RCBTB2: variants seen among roughly 807,000 people sequenced by gnomAD.
RCBTB2 encodes the protein RCC1 and BTB domain-containing protein 2.
A neutral mutation model predicts 65.4 loss-of-function variants in RCBTB2; 55 were observed. That is an observed-to-expected ratio of 0.84 (90% CI 0.68 to 1.05). The LOEUF (loss-of-function observed/expected upper bound fraction) is 1.05. Among genes scored for constraint, RCBTB2 ranks in the 50% least tolerant of loss-of-function variants. The probability of loss-of-function intolerance (pLI) is 0.00; values close to 1 mark genes in which losing one functional copy is unlikely to be tolerated. For missense variants in RCBTB2, 599 were observed against 680.1 expected, an observed-to-expected ratio of 0.88 and a Z score of 1.33; for synonymous variants, 220 against 255.2, an observed-to-expected ratio of 0.86 and a Z score of 1.31.
At position 48,502,952 on chromosome 13, in the gene RCBTB2, C is replaced by A. The variant is rs112173107; in HGVS notation, c.927-38G>T. 18 of 1,521,008 alleles carry A rather than the reference C, an allele frequency of 1.2e-5. No individual in the cohort carries two copies. The South Asian group carries it at 2.1e-4, about 18-fold the overall frequency. The allele number at this position is 1,521,008 out of a possible 1,614,324, so 94.2% of individuals were successfully genotyped here. A position where few individuals can be genotyped will look rare whatever the true frequency, so the allele number is the denominator to read the frequency against. ...ACACACACCACATAAGCACAGTGACCGGGGCAGAAACAAGTTGGGTCCTCC... is the reference window on the plus strand; with the variant it reads ...ACACACACCACATAAGCACAGTGACAGGGGCAGAAACAAGTTGGGTCCTCC... On this transcript the variant is annotated intron_variant, in intron 10 of 14. Coordinates refer to ENST00000344532, the MANE Select transcript of RCBTB2 (RefSeq NM_001268.4).
chr13:48,530,254 C>A (rs1174955798), intron 1 of RCBTB2, among the ~76,000 whole-genome samples: 1 of 152,124 alleles, frequency 6.6e-6, no homozygotes, highest in Non-Finnish European at 1.5e-5. Flanking sequence ...TATCTTGGGG[C>A]ATTTAAATTT....
intron 10 of RCBTB2, among the ~76,000 whole-genome samples, chr13:48,506,266 C>T (rs1566282815): frequency 6.6e-6 from 1 of 152,200 alleles, no homozygotes; most frequent in Non-Finnish European, 1.5e-5. Context: ...TGAGGCTTGC[C>T]AGGAACAGTG....
intron 4 of RCBTB2, among the ~76,000 whole-genome samples, chr13:48,518,056 C>G (rs1237421994): frequency 6.6e-6 from 1 of 152,204 alleles, no homozygotes; most frequent in Non-Finnish European, 1.5e-5. Flanking sequence ...GGGCCACCAC[C>G]AGAAGCTGAG....
intron 2 of RCBTB2, among the ~76,000 whole-genome samples, chr13:48,523,333 T>C (rs1489681200): frequency 6.6e-6 from 1 of 152,172 alleles, no homozygotes; most frequent in Non-Finnish European, 1.5e-5. Flanking sequence ...CACTTTTTGT[T>C]TTGTTTTTAA....
chr13:48,509,152 C>A (rs1352196167), intron 10 of RCBTB2, among the ~76,000 whole-genome samples: 1 of 152,008 alleles, frequency 6.6e-6, no homozygotes, highest in Non-Finnish European at 1.5e-5. Flanking sequence ...TGTGGCAAAA[C>A]CCTGGCCCTG....
chr13:48,533,611 TG>T (rs1246912780), upstream of RCBTB2, among the ~76,000 whole-genome samples: 2 of 152,164 alleles, frequency 1.3e-5, no homozygotes, highest in African/African-American at 2.4e-5. Flanking sequence ...GGATGTGTGC[TG>T]GGGGGTTCAG....
intron 2 of RCBTB2, among the ~76,000 whole-genome samples, chr13:48,523,742 G>C (rs1372829278): frequency 6.6e-6 from 1 of 152,122 alleles, no homozygotes; most frequent in African/African-American, 2.4e-5. Flanking sequence ...CTAGCAGAAG[G>C]GAAATCTTCC....
intron 10 of RCBTB2, among the ~76,000 whole-genome samples, chr13:48,506,773 T>C (rs570158835): frequency 6.6e-6 from 1 of 152,382 alleles, no homozygotes; most frequent in South Asian, 2.1e-4. Flanking sequence ...TAAGCATTTA[T>C]GAACTGCTCT....
In RCBTB2 at chr13:48,502,818, G is replaced by A. The variant is rs41290412; in HGVS notation, c.1023C>T (p.Ser341=). ...VYMWGQCRGQ[S]VILPHLTHFS... ...AGTGGGTGAGGTGCGGGAGGATCACGGACTGACCCCGGCACTGGCCCCACA... is the reference window on the plus strand; with the variant it reads ...AGTGGGTGAGGTGCGGGAGGATCACAGACTGACCCCGGCACTGGCCCCACA... The change falls in exon 11 of 15, where the codon TCC becomes TCT. Residue 341 remains serine, a synonymous_variant. Coordinates refer to ENST00000344532, the MANE Select transcript of RCBTB2 (RefSeq NM_001268.4). 2.8e-5 allele frequency: 46 copies of A among 1,614,192 alleles called. No homozygotes were observed. Among genetic ancestry groups the A allele is most frequent in the South Asian group, 2.7e-4 (25 of 91,080 alleles).
intron 13 of RCBTB2, 62 bp from the exon 14 acceptor site, chr13:48,496,383 A>C (rs1398351832): frequency 7.0e-7 from 1 of 1,428,430 alleles, no homozygotes; most frequent in African/African-American, 1.4e-5. Flanking sequence ...ACAGTTGCTC[A>C]CTCAGCCACT....
In RCBTB2 at chr13:48,501,671, A is replaced by G. The variant is rs376157246; in HGVS notation, c.1244+71T>C. 17 of 1,349,856 alleles carry G rather than the reference A, an allele frequency of 1.3e-5. No individual in the cohort carries two copies. In the African/African-American group the frequency reaches 2.2e-4, roughly 17 times the overall value. 83.6% of individuals were successfully genotyped at this position (1,349,856 alleles called of 1,614,324 possible). On this transcript the variant is annotated intron_variant, in intron 12 of 14. Coordinates refer to ENST00000344532, the MANE Select transcript of RCBTB2 (RefSeq NM_001268.4). Reference sequence around the variant, plus strand: ...TTTCTTGATTACTGAGGTGCCTAATATAGTTGGACACTTAGAATATAATTG... The same window carrying G: ...TTTCTTGATTACTGAGGTGCCTAATGTAGTTGGACACTTAGAATATAATTG...
upstream of RCBTB2, among the ~76,000 whole-genome samples, chr13:48,533,736 G>C (rs1952305664): frequency 1.3e-5 from 2 of 152,204 alleles, no homozygotes; most frequent in African/African-American, 2.4e-5. Context: ...GTTGGCCTTT[G>C]TAGATTTAAG....
At chr13:48,493,264 T>TACACACACACACACACACACACAC (rs1566253976) in intron 14 of RCBTB2, among the ~76,000 whole-genome samples, 1 of 88,070 alleles carries the variant, frequency 1.1e-5, no homozygotes, top group Non-Finnish European at 1.9e-5. Context: ...CACACACTCT[T>TACACACACACACACACACACACAC]CTCTCTCTCA....
rs200211132 is a variant in RCBTB2, at chr13:48,532,704, G to GGGCA, written c.-219+320_-219+323dup. On this transcript the variant is annotated intron_variant, in intron 1 of 14. Coordinates refer to ENST00000344532, the MANE Select transcript of RCBTB2 (RefSeq NM_001268.4). ...GCAGCGCAGCCTGGGCCGGCGGCCT[G>GGGCA]GGCAGGATGTAGTCGCGAGCAGCGC... The GGGCA allele has an allele frequency of 8.4e-3, 2,393 of 284,536 alleles. 36 individuals are homozygous for GGGCA. The highest frequency in any genetic ancestry group is 0.027 in the Admixed American group (523 of 19,314). The allele number at this position is 284,536 out of a possible 1,614,324, so 17.6% of individuals were successfully genotyped here. A position where few individuals can be genotyped will look rare whatever the true frequency, so the allele number is the denominator to read the frequency against.
At chr13:48,506,921 G>C (rs765459878) in intron 10 of RCBTB2, among the ~76,000 whole-genome samples, 2 of 152,196 alleles carry the variant, frequency 1.3e-5, no homozygotes, top group African/African-American at 2.4e-5. Flanking sequence ...ATCCTTCACT[G>C]ATCTGCCCAA....
intron 1 of RCBTB2, among the ~76,000 whole-genome samples, chr13:48,526,766 A>C (rs1007912187): frequency 4.0e-5 from 6 of 151,842 alleles, no homozygotes; most frequent in African/African-American, 1.5e-4. Flanking sequence ...AAATACAAAA[A>C]TTAGCCAGGC....
At position 48,533,066 on chromosome 13, in the gene RCBTB2, G is replaced by A. The variant is rs766581009; in HGVS notation, c.-257C>T. 1 of 454,338 alleles carries A rather than the reference G, an allele frequency of 2.2e-6. No individual in the cohort carries two copies. The highest frequency in any genetic ancestry group is 2.4e-5 in the Admixed American group (1 of 42,504). 28.1% of individuals were successfully genotyped at this position (454,338 alleles called of 1,614,324 possible). On this transcript the variant is annotated 5_prime_UTR_variant, in exon 1 of 15. Transcript: ENST00000344532. ...GGAGCCTTGTCCGCTCCGCCTCCTG[G>A]GTAGCGGTTACTGCACGGTCAGGGG...
chr13:48,511,107 T>G (rs1253760255), intron 9 of RCBTB2, among the ~76,000 whole-genome samples: 2 of 152,152 alleles, frequency 1.3e-5, no homozygotes, highest in Non-Finnish European at 2.9e-5. Flanking sequence ...ATGTTCAATT[T>G]GAAAAATATA....
At chr13:48,497,660 G>A (rs1043032755) in intron 13 of RCBTB2, among the ~76,000 whole-genome samples, 18 of 152,180 alleles carry the variant, frequency 1.2e-4, no homozygotes, top group African/African-American at 2.9e-4. Flanking sequence ...TAGAGTGTAC[G>A]AAGTATAAAG....
Sources: gnomAD v4.1 joint callset for allele counts (sites outside exome capture counted in the v4.1 genomes callset) on GRCh38, gnomAD v4.1.1 for gene constraint, MANE v1.5 for transcripts, NCBI Gene and HGNC (gene_info 2026-07-23, HGNC 2026-07-21) for gene names.